The following RTN1 variants were observed in gnomAD, a reference collection of about 807,000 sequenced individuals.
RTN1 encodes the protein reticulon 1, also known as reticulon-1.
In RTN1, 25 loss-of-function variants were observed where a neutral mutation model predicts 65.5. The ratio of observed to expected loss-of-function variants is 0.38; its 90% CI spans 0.28 to 0.53. The LOEUF (loss-of-function observed/expected upper bound fraction) is 0.53. Among genes scored for constraint, RTN1 ranks in the 20% least tolerant of loss-of-function variants. The probability of loss-of-function intolerance (pLI) is 0.79; values close to 1 mark genes in which losing one functional copy is unlikely to be tolerated. For missense variants in RTN1, 983 were observed against 1,025.4 expected (o/e 0.96, Z 0.57); for synonymous variants, 471 against 447.6 (o/e 1.05, Z -0.66).
At chr14:59,865,945 C>T (rs530360416) in intron 1 of RTN1, among the ~76,000 whole-genome samples, 22 of 152,242 alleles carry the variant, frequency 1.4e-4, no homozygotes, top group African/African-American at 5.1e-4. Flanking sequence ...TTGTTTTTCA[C>T]AGCTAGACAA....
At chr14:59,688,239 C>T (rs1195022527) in intron 3 of RTN1, among the ~76,000 whole-genome samples, 1 of 152,162 alleles carries the variant, frequency 6.6e-6, no homozygotes, top group African/African-American at 2.4e-5. Flanking sequence ...CTCTACGGTC[C>T]ATTCCCAGGC....
intron 3 of RTN1, among the ~76,000 whole-genome samples, chr14:59,647,552 A>T (rs1047851590): frequency 6.6e-6 from 1 of 152,244 alleles, no homozygotes; most frequent in Non-Finnish European, 1.5e-5. Context: ...AGTTGGTTAT[A>T]TAACAATTTT....
rs546580478 is a variant in RTN1, at chr14:59,709,004, C to T, written c.1765+17915G>A. 7.9e-5 allele frequency among the ~76,000 whole-genome samples: 12 copies of T among 152,248 alleles called. 1 individual carries two copies. The highest frequency in any genetic ancestry group is 2.0e-4 in the Admixed American group (3 of 15,298). Reference sequence around the variant, plus strand: ...TTGCTCATTGGCTAATTAAAACTAACCAACTGAAGGGGGAAAAACATTTGG... The same window carrying T: ...TTGCTCATTGGCTAATTAAAACTAATCAACTGAAGGGGGAAAAACATTTGG... On this transcript the variant is annotated intron_variant, in intron 3 of 8. Transcript: ENST00000267484.
intron 3 of RTN1, among the ~76,000 whole-genome samples, chr14:59,609,728 T>G (rs1881888066): frequency 6.6e-6 from 1 of 151,972 alleles, no homozygotes; most frequent in African/African-American, 2.4e-5. Flanking sequence ...GAGGGGCAAA[T>G]GGGAATTAAA....
rs1462985614 is a variant in RTN1 at position 59,829,422 on chromosome 14, C to A, written c.241+40968G>T. On this transcript the variant is annotated intron_variant, in intron 1 of 8. Transcript: ENST00000267484. This position sits in a 1 kb window ranked among gnomAD's most constrained non-coding sequence, Gnocchi z 4.3. Reference sequence around the variant, plus strand: ...AATAGAATAGTTAATGCTGAGGTGACCCCAAAATCTCAGTGACTTAAATAT... The same window carrying A: ...AATAGAATAGTTAATGCTGAGGTGAACCCAAAATCTCAGTGACTTAAATAT... Among the ~76,000 whole-genome samples, 2 of 152,124 alleles carry A rather than the reference C, an allele frequency of 1.3e-5. No individual in the cohort carries two copies. Among genetic ancestry groups the A allele is most frequent in the Admixed American group, 6.5e-5 (1 of 15,272 alleles).
At chr14:59,602,294 G>T (rs1021243077) in intron 8 of RTN1, among the ~76,000 whole-genome samples, 1 of 151,956 alleles carries the variant, frequency 6.6e-6, no homozygotes, top group African/African-American at 2.4e-5. Context: ...TAGTCCTTTG[G>T]TGAAATATAT....
chr14:59,711,816 G>A (rs1884424285), intron 3 of RTN1, among the ~76,000 whole-genome samples: 2 of 152,172 alleles, frequency 1.3e-5, no homozygotes, highest in African/African-American at 4.8e-5. Context: ...TGTGAAACAG[G>A]TCCATGATAG....
chr14:59,711,916 ACATGTAT>A (rs1218814936), intron 3 of RTN1, among the ~76,000 whole-genome samples: 1 of 152,160 alleles, frequency 6.6e-6, no homozygotes, highest in African/African-American at 2.4e-5. Context: ...GGCAAAAGTG[ACATGTAT>A]CATTTCCAGG....
At chr14:59,865,866 T>C (rs1332499835) in intron 1 of RTN1, among the ~76,000 whole-genome samples, 1 of 152,302 alleles carries the variant, frequency 6.6e-6, no homozygotes, top group East Asian at 1.9e-4. Flanking sequence ...TGATGTAACA[T>C]TTAGCCAGTT....
chr14:59,634,251 T>C (rs1409082177), intron 3 of RTN1, among the ~76,000 whole-genome samples: 3 of 152,228 alleles, frequency 2.0e-5, no homozygotes, highest in African/African-American at 7.2e-5. Flanking sequence ...TGCGTTTTCA[T>C]GACAGAATGT....
chr14:59,778,952 C>T (rs1040832249), intron 1 of RTN1, among the ~76,000 whole-genome samples: 3 of 152,008 alleles, frequency 2.0e-5, no homozygotes, highest in Non-Finnish European at 2.9e-5. Flanking sequence ...GGGGAGTCAC[C>T]GAAGGGCTTT....
chr14:59,840,494 A>C (rs1263578394), intron 1 of RTN1, among the ~76,000 whole-genome samples: 4 of 152,200 alleles, frequency 2.6e-5, no homozygotes, highest in Non-Finnish European at 4.4e-5. Flanking sequence ...TGCAAGTTAG[A>C]GATAAAGAAG....
intron 8 of RTN1, among the ~76,000 whole-genome samples, chr14:59,602,363 T>C (rs1314401492): frequency 2.0e-5 from 3 of 152,124 alleles, no homozygotes; most frequent in Non-Finnish European, 4.4e-5. Flanking sequence ...AATAATGCAA[T>C]ATAAGAGCTA....
intron 1 of RTN1, among the ~76,000 whole-genome samples, chr14:59,759,746 T>C (rs1885710608): frequency 6.6e-6 from 1 of 150,912 alleles, no homozygotes. Context: ...ACACTTTGCA[T>C]GGAAAAAGAT....
intron 3 of RTN1, among the ~76,000 whole-genome samples, chr14:59,680,176 C>G (rs916706095): frequency 6.6e-6 from 1 of 152,144 alleles, no homozygotes; most frequent in African/African-American, 2.4e-5. Flanking sequence ...CTTCTAAGAG[C>G]TTTGCTCTGG....
chr14:59,626,054 G>C (rs1293171959), intron 3 of RTN1, among the ~76,000 whole-genome samples: 1 of 152,034 alleles, frequency 6.6e-6, no homozygotes, highest in Non-Finnish European at 1.5e-5. Flanking sequence ...ATAATAATGG[G>C]TCTAAATAAA....
intron 3 of RTN1, among the ~76,000 whole-genome samples, chr14:59,702,507 A>G (rs371748751): frequency 6.6e-6 from 1 of 152,076 alleles, no homozygotes; most frequent in Non-Finnish European, 1.5e-5. Flanking sequence ...GCTTTTACCC[A>G]TCCATTCTCT....
chr14:59,839,457 G>A (rs771711335), intron 1 of RTN1, among the ~76,000 whole-genome samples: 1 of 151,994 alleles, frequency 6.6e-6, no homozygotes, highest in Non-Finnish European at 1.5e-5. Context: ...ACAACCCAAA[G>A]GAATATTAAG....
At chr14:59,809,148 T>C (rs2139610362) in intron 1 of RTN1, among the ~76,000 whole-genome samples, 1 of 152,290 alleles carries the variant, frequency 6.6e-6, no homozygotes, top group East Asian at 1.9e-4. Flanking sequence ...TCAGATAAAA[T>C]GCTCTGAGAA....
Sources: gnomAD v4.1 joint callset for allele counts (sites outside exome capture counted in the v4.1 genomes callset) on GRCh38, gnomAD v4.1.1 for gene constraint, Gnocchi (gnomAD v3.1) non-coding constraint, MANE v1.5 for transcripts, NCBI Gene and HGNC (gene_info 2026-07-23, HGNC 2026-07-21) for gene names.